RORA: variants seen among roughly 807,000 people sequenced by gnomAD.
RORA encodes the protein nuclear receptor ROR-alpha.
A neutral mutation model predicts 69.5 loss-of-function variants in RORA; 7 were observed. The ratio of observed to expected loss-of-function variants is 0.10; its 90% CI spans 0.06 to 0.19. RORA has a LOEUF of 0.19. Ranked by LOEUF, RORA falls within the 10% of genes least tolerant of loss-of-function variation. The probability of loss-of-function intolerance (pLI) is 1.00; values close to 1 mark genes in which losing one functional copy is unlikely to be tolerated. For synonymous variants in RORA, 261 were observed against 240.8 expected, an observed-to-expected ratio of 1.08 and a Z score of -0.78; for missense variants, 457 against 663.0, an observed-to-expected ratio of 0.69 and a Z score of 3.41.
At chr15:61,031,583 G>A (rs1896172417) in intron 1 of RORA, among the ~76,000 whole-genome samples, 1 of 152,094 alleles carries the variant, frequency 6.6e-6, no homozygotes, top group Non-Finnish European at 1.5e-5. Context: ...GGTGGTTGGG[G>A]GAGGATAAGG....
At chr15:61,066,879 C>CA (rs33936803) in intron 1 of RORA, among the ~76,000 whole-genome samples, 2,044 of 71,260 alleles carry the variant, frequency 0.029, 51 homozygotes, top group Non-Finnish European at 0.03. Flanking sequence ...TTCATAAGAC[C>CA]AAAAAAAAAA....
intron 7 of RORA, 81 bp from the exon 8 acceptor site, chr15:60,502,948 C>G (rs1284650557): frequency 5.5e-6 from 5 of 906,730 alleles, no homozygotes; most frequent in Non-Finnish European, 9.3e-6. Context: ...CATGTAGAGA[C>G]TCCTTCTGCA....
rs769438683 is a variant in RORA, at chr15:60,500,012, T to TA, written c.1295-9dup. ...CTTGCAGCCATGAGCGATCTAAGCATAAAAAAATGATATTCTTTAGCATTC... is the reference window on the plus strand; with the variant it reads ...CTTGCAGCCATGAGCGATCTAAGCATAAAAAAAATGATATTCTTTAGCATTC... On this transcript the variant is annotated splice_polypyrimidine_tract_variant and intron_variant, in intron 9 of 10. Transcript: ENST00000335670. 3.2e-6 allele frequency: 5 copies of TA among 1,561,552 alleles called. No individual in the cohort carries two copies. The highest frequency in any genetic ancestry group is 2.6e-6 in the Non-Finnish European group (3 of 1,137,562).
chr15:61,153,910 A>G (rs1332594073), intron 1 of RORA, among the ~76,000 whole-genome samples: 2 of 152,200 alleles, frequency 1.3e-5, no homozygotes, highest in African/African-American at 2.4e-5. Flanking sequence ...TTGATCTCCT[A>G]TCAAGAAACA....
chr15:60,843,884 G>A (rs1440399631), intron 1 of RORA, among the ~76,000 whole-genome samples: 1 of 152,170 alleles, frequency 6.6e-6, no homozygotes, highest in African/African-American at 2.4e-5. Flanking sequence ...TCAGGATAAT[G>A]CACTAAGTCC....
chr15:60,502,126 G>C (rs912392360), intron 8 of RORA, among the ~76,000 whole-genome samples: 1 of 152,038 alleles, frequency 6.6e-6, no homozygotes, highest in Non-Finnish European at 1.5e-5. Context: ...GACTACAGGC[G>C]TGTGCCACCA....
chr15:60,777,653 A>G (rs565805596), intron 1 of RORA, among the ~76,000 whole-genome samples: 1 of 152,310 alleles, frequency 6.6e-6, no homozygotes, highest in Non-Finnish European at 1.5e-5. Flanking sequence ...CCTTCATTTT[A>G]ACATCCTTAT....
At chr15:60,954,739 G>C (rs1281923240) in intron 1 of RORA, among the ~76,000 whole-genome samples, 2 of 152,126 alleles carry the variant, frequency 1.3e-5, no homozygotes, top group African/African-American at 4.8e-5. Flanking sequence ...TACAGTTTTT[G>C]CCATTAAAAT....
chr15:61,091,209 T>C (rs1595974979), intron 1 of RORA, among the ~76,000 whole-genome samples: 1 of 152,154 alleles, frequency 6.6e-6, no homozygotes, highest in African/African-American at 2.4e-5. Flanking sequence ...ATTACGCTGC[T>C]GAATAAAGGA....
chr15:60,729,666 T>C (rs2071404942), intron 1 of RORA, among the ~76,000 whole-genome samples: 1 of 152,160 alleles, frequency 6.6e-6, no homozygotes, highest in African/African-American at 2.4e-5. Flanking sequence ...TGTATTACCT[T>C]GGGTAGGGTA....
At chr15:60,675,342 A>G (rs1459357454) in intron 2 of RORA, among the ~76,000 whole-genome samples, 3 of 152,256 alleles carry the variant, frequency 2.0e-5, no homozygotes, top group Non-Finnish European at 2.9e-5. Context: ...TACATGTGCT[A>G]TATAATCCCC....
chr15:60,945,438 CGTT>C (rs756197473), intron 1 of RORA, among the ~76,000 whole-genome samples: 2 of 152,062 alleles, frequency 1.3e-5, no homozygotes, highest in East Asian at 1.9e-4. Flanking sequence ...TCAGGGGAAA[CGTT>C]GTTATATCAT....
At chr15:60,854,934 T>C (rs1680480) in intron 1 of RORA, among the ~76,000 whole-genome samples, 133,157 of 152,208 alleles carry the variant, frequency 0.87, 58,920 homozygotes, top group East Asian at 0.99. Context: ...AACATAGCAA[T>C]GTGGGTTTTC....
At chr15:60,934,042 C>T (rs1010580084) in intron 1 of RORA, among the ~76,000 whole-genome samples, 1 of 152,248 alleles carries the variant, frequency 6.6e-6, no homozygotes, top group Non-Finnish European at 1.5e-5. Flanking sequence ...CCAGCTCCAG[C>T]TCCACACCAT....
At chr15:60,984,331 A>C (rs763950906) in intron 1 of RORA, among the ~76,000 whole-genome samples, 2 of 152,014 alleles carry the variant, frequency 1.3e-5, no homozygotes, top group Non-Finnish European at 2.9e-5. Flanking sequence ...CATTCTACAT[A>C]TATTTTTGTT....
intron 1 of RORA, among the ~76,000 whole-genome samples, chr15:60,836,038 G>A (rs2073110654): frequency 1.3e-5 from 2 of 152,178 alleles, no homozygotes; most frequent in South Asian, 2.1e-4. Flanking sequence ...CTCTTTTAGG[G>A]TGTCCACCAG....
intron 1 of RORA, among the ~76,000 whole-genome samples, chr15:60,919,214 T>C (rs1891967312): frequency 6.6e-6 from 1 of 152,136 alleles, no homozygotes; most frequent in Admixed American, 6.5e-5. Flanking sequence ...TCTCACTGGA[T>C]ATCACTGGGC....
chr15:61,098,171 C>CT (rs71122902), intron 1 of RORA, among the ~76,000 whole-genome samples: 56,799 of 127,294 alleles, frequency 0.45, 13,670 homozygotes, highest in Non-Finnish European at 0.54. Flanking sequence ...CTTCCTTTCC[C>CT]CCTTCCCTGC....
intron 2 of RORA, among the ~76,000 whole-genome samples, chr15:60,552,612 C>A (rs185299790): frequency 6.6e-6 from 1 of 152,302 alleles, no homozygotes; most frequent in Admixed American, 6.5e-5. Context: ...ATATCTACTA[C>A]CCTGGAGTGG....
Sources: gnomAD v4.1 joint callset for allele counts (sites outside exome capture counted in the v4.1 genomes callset) on GRCh38, gnomAD v4.1.1 for gene constraint, MANE v1.5 for transcripts, NCBI Gene and HGNC (gene_info 2026-07-23, HGNC 2026-07-21) for gene names.